Variants in ZFYVE1 observed in about 807,000 individuals in gnomAD.
ZFYVE1 encodes the protein zinc finger FYVE domain-containing protein 1.
A neutral mutation model predicts 74.4 loss-of-function variants in ZFYVE1; 30 were observed. The ratio of observed to expected loss-of-function variants is 0.40; its 90% CI spans 0.30 to 0.55. The LOEUF is 0.55. Among genes scored for constraint, ZFYVE1 ranks in the 20% least tolerant of loss-of-function variants. The pLI is 0.42. For missense variants in ZFYVE1, 703 were observed against 1,011.6 expected, an observed-to-expected ratio of 0.69 and a Z score of 4.14; for synonymous variants, 335 against 385.1, an observed-to-expected ratio of 0.87 and a Z score of 1.52.
chr14:72,980,767 A>G lies in ZFYVE1; in HGVS notation c.1310+1022T>C, dbSNP rs571736201. Among the ~76,000 whole-genome samples, 161 of 151,782 alleles carry G rather than the reference A, an allele frequency of 1.1e-3. 2 individuals carry two copies. The highest frequency in any genetic ancestry group is 5.2e-3 in the East Asian group (27 of 5,158). ...GTATTTTTAGTAGAGACAGGGTTTCACCATAGTCTCGATCTGCTGACCTCG... is the reference window on the plus strand; with the variant it reads ...GTATTTTTAGTAGAGACAGGGTTTCGCCATAGTCTCGATCTGCTGACCTCG... On this transcript the variant is annotated intron_variant, in intron 5 of 11. Coordinates refer to ENST00000556143, the MANE Select transcript of ZFYVE1 (RefSeq NM_021260.4).
chr14:73,005,703 C>G (rs563167890), intron 2 of ZFYVE1, among the ~76,000 whole-genome samples: 1 of 152,146 alleles, frequency 6.6e-6, no homozygotes, highest in African/African-American at 2.4e-5. Context: ...AGGCATAGCA[C>G]AGTGCCTGGC....
intron 2 of ZFYVE1, among the ~76,000 whole-genome samples, chr14:73,016,174 T>C (rs976570899): frequency 3.3e-5 from 5 of 152,132 alleles, no homozygotes; most frequent in Admixed American, 2.0e-4. Flanking sequence ...CAAGAGATTA[T>C]AGATGACTCG....
At chr14:73,003,006 C>G (rs973024516) in intron 2 of ZFYVE1, among the ~76,000 whole-genome samples, 2 of 150,388 alleles carry the variant, frequency 1.3e-5, no homozygotes, top group African/African-American at 2.4e-5. Flanking sequence ...CCTCCCAAAG[C>G]ACTGGGATTA....
rs115098670 is a variant in ZFYVE1, at chr14:73,024,624, C to G, written c.-116G>C. 3.2e-3 allele frequency: 4,517 copies of G among 1,405,500 alleles called. 90 individuals are homozygous for G. In the African/African-American group the frequency reaches 0.049, roughly 15 times the overall value. The allele number at this position is 1,405,500 out of a possible 1,614,324, so 87.1% of individuals were successfully genotyped here. On this transcript the variant is annotated 5_prime_UTR_variant, in exon 2 of 12. Transcript: ENST00000556143. ...CGAAACTTCCACAGGGTTCTGAACA[C>G]TTTAAAAAAGAACACCTTTCATGTC...
At chr14:72,980,050 T>C (rs74062621) in intron 5 of ZFYVE1, among the ~76,000 whole-genome samples, 2,081 of 152,338 alleles carry the variant, frequency 0.014, 48 homozygotes, top group African/African-American at 0.045. Flanking sequence ...AAGTCTCTTG[T>C]GCTGGGCTCA....
chr14:72,998,453 C>T (rs1294995521), intron 2 of ZFYVE1, 138 bp from the exon 3 acceptor site: 3 of 749,758 alleles, frequency 4.0e-6, no homozygotes, highest in East Asian at 2.9e-5. Flanking sequence ...AATAGCTCCC[C>T]ACCTCCACCC....
Position 72,974,818 on chromosome 14 carries a change from C to T in ZFYVE1, c.1948G>A (p.Val650Ile). Residue 650 changes from valine to isoleucine, a missense_variant, in exon 10 of 12, where the codon GTC becomes ATC. By Grantham distance (29) the Val-to-Ile change is conservative. Coordinates refer to ENST00000556143, the MANE Select transcript of ZFYVE1 (RefSeq NM_021260.4). ...ERGWGPAPVR[V>I]CDNCYEARNV... ...CTGGCTTCGTAGCAGTTGTCACAGACCCGCACTGGCGCAGGGCCCCAGCCC... is the reference window on the plus strand; with the variant it reads ...CTGGCTTCGTAGCAGTTGTCACAGATCCGCACTGGCGCAGGGCCCCAGCCC... The T allele has an allele frequency of 6.2e-7, 1 of 1,611,724 alleles. No homozygotes were observed. The highest frequency in any genetic ancestry group is 8.5e-7 in the Non-Finnish European group (1 of 1,178,352).
chr14:72,981,769 G>C lies in ZFYVE1; in HGVS notation c.1310+20C>G, dbSNP rs370760506. On this transcript the variant is annotated intron_variant, in intron 5 of 11. Transcript: ENST00000556143. ...ATTCTCAAGGTATGGGGTGGGAGGT[G>C]GGGGAGCGGCCTTACTTACCCACAG... 2.5e-6 allele frequency: 4 copies of C among 1,609,338 alleles called. No homozygotes were observed. In the South Asian group the frequency reaches 3.3e-5, roughly 13 times the overall value.
At chr14:72,974,344 G>A (rs946972157) in intron 10 of ZFYVE1, 151 bp from the exon 11 acceptor site, 21 of 716,260 alleles carry the variant, frequency 2.9e-5, no homozygotes, top group East Asian at 8.3e-5. Flanking sequence ...TGTGGGTCAG[G>A]TCAGCCCAGA....
chr14:73,025,462 G>A (rs1460441053), intron 1 of ZFYVE1, among the ~76,000 whole-genome samples: 6 of 151,918 alleles, frequency 3.9e-5, no homozygotes, highest in South Asian at 2.1e-4. Flanking sequence ...TTGGGAGGCC[G>A]AGGTGGGCAG....
chr14:73,023,398 TATATATA>T (rs1894384053), intron 2 of ZFYVE1, among the ~76,000 whole-genome samples: 2 of 136,012 alleles, frequency 1.5e-5, no homozygotes, highest in Non-Finnish European at 3.1e-5. Context: ...TTATGTGTTT[TATATATA>T]ATATATATTT....
intron 2 of ZFYVE1, among the ~76,000 whole-genome samples, chr14:73,009,560 G>C (rs1894046720): frequency 6.6e-6 from 1 of 152,198 alleles, no homozygotes; most frequent in African/African-American, 2.4e-5. Context: ...TTCGAGACCA[G>C]CCTGACCAAC....
At chr14:72,983,136 T>G (rs897664912) in intron 4 of ZFYVE1, among the ~76,000 whole-genome samples, 1 of 152,114 alleles carries the variant, frequency 6.6e-6, no homozygotes, top group East Asian at 1.9e-4. Flanking sequence ...TAAGCCACCA[T>G]GCTCAGCTGA....
chr14:73,024,372 T>C lies in ZFYVE1; in HGVS notation c.137A>G (p.Glu46Gly). The C allele has an allele frequency of 6.2e-7, 1 of 1,614,190 alleles. No individual in the cohort carries two copies. Among genetic ancestry groups the C allele is most frequent in the Non-Finnish European group, 8.5e-7 (1 of 1,180,032 alleles). The stretch of plus-strand genomic sequence containing the variant: ...GCGCTCCTGCCGATGGAGCTCCTCC[T>C]CGCAGCGGAGACACTGCAGACTGCA... Reference protein sequence around the residue: ...ECCSLQCLRCEEELHRQERLR... With the variant: ...ECCSLQCLRCGEELHRQERLR... The change falls in exon 2 of 12, where the codon GAG becomes GGG. Residue 46 changes from glutamate (E) to glycine (G), a missense_variant. Around this residue, in one of 2 missense-constraint regions of ZFYVE1, gnomAD observed 211 missense variants for 221.7 expected, o/e 0.95. Transcript: ENST00000556143.
chr14:72,989,233 G>T (rs1466101255), intron 4 of ZFYVE1, among the ~76,000 whole-genome samples: 1 of 152,070 alleles, frequency 6.6e-6, no homozygotes, highest in Non-Finnish European at 1.5e-5. Flanking sequence ...GCCAGCATTT[G>T]CAATTTCTAT....
At chr14:73,007,332 G>C (rs1594857394) in intron 2 of ZFYVE1, among the ~76,000 whole-genome samples, 1 of 152,148 alleles carries the variant, frequency 6.6e-6, no homozygotes, top group Non-Finnish European at 1.5e-5. Context: ...GGTCTTTTCA[G>C]TACTGGCCCC....
intron 2 of ZFYVE1, among the ~76,000 whole-genome samples, chr14:73,003,256 C>T (rs1362849610): frequency 1.3e-5 from 2 of 151,814 alleles, no homozygotes; most frequent in Non-Finnish European, 2.9e-5. Context: ...TGGGATTTCG[C>T]CATGTTTGCC....
At chr14:72,999,249 A>G (rs1316228047) in intron 2 of ZFYVE1, among the ~76,000 whole-genome samples, 1 of 152,022 alleles carries the variant, frequency 6.6e-6, no homozygotes, top group Admixed American at 6.6e-5. Context: ...ACCAACATGG[A>G]CAAACCCCAT....
At chr14:72,998,847 C>T (rs1435317926) in intron 2 of ZFYVE1, among the ~76,000 whole-genome samples, 1 of 148,360 alleles carries the variant, frequency 6.7e-6, no homozygotes, top group East Asian at 2.0e-4. Flanking sequence ...TGAGACCCTG[C>T]CTCAAAAAAA....
Sources: allele counts gnomAD v4.1 joint callset (sites outside exome capture counted in the v4.1 genomes callset), GRCh38; gene constraint gnomAD v4.1.1; regional missense constraint gnomAD v4.1.1; transcripts MANE v1.5; gene names NCBI Gene and HGNC (gene_info 2026-07-23, HGNC 2026-07-21).